The following MACROD2 variants were observed in gnomAD, a reference collection of about 807,000 sequenced individuals.
The protein encoded by MACROD2 is mono-ADP ribosylhydrolase 2.
In MACROD2, 36 loss-of-function variants were observed where a neutral mutation model predicts 70.4. That is an observed-to-expected ratio of 0.51 (90% CI 0.39 to 0.68). The LOEUF (loss-of-function observed/expected upper bound fraction) is 0.68. Ranked by LOEUF, MACROD2 falls within the 30% of genes least tolerant of loss-of-function variation. MACROD2 has a pLI of 0.00. For missense variants in MACROD2, 496 were observed against 538.4 expected (o/e 0.92, Z 0.78); for synonymous variants, 172 against 178.8 (o/e 0.96, Z 0.30).
chr20:14,783,102 G>C (rs1228762668), intron 5 of MACROD2, among the ~76,000 whole-genome samples: 1 of 152,120 alleles, frequency 6.6e-6, no homozygotes, highest in Non-Finnish European at 1.5e-5. Flanking sequence ...AATGTCAAAT[G>C]ATTCAACACT....
intron 8 of MACROD2, among the ~76,000 whole-genome samples, chr20:15,614,045 C>A (rs1248353992): frequency 6.6e-6 from 1 of 152,218 alleles, no homozygotes; most frequent in African/African-American, 2.4e-5. Flanking sequence ...CCCAGACTCA[C>A]AGGTGTAACT....
chr20:15,864,831 C>T (rs991460505), intron 9 of MACROD2, among the ~76,000 whole-genome samples: 1 of 152,068 alleles, frequency 6.6e-6, no homozygotes, highest in African/African-American at 2.4e-5. Context: ...ATAGGAAGTA[C>T]ATTTTAAACT....
chr20:15,677,268 C>G (rs1386257415), intron 8 of MACROD2, among the ~76,000 whole-genome samples: 1 of 152,054 alleles, frequency 6.6e-6, no homozygotes, highest in Non-Finnish European at 1.5e-5. Context: ...GGCTCTCTTT[C>G]CTACTGTTCT....
At chr20:14,423,487 C>T (rs1329280115) in intron 3 of MACROD2, among the ~76,000 whole-genome samples, 1 of 151,610 alleles carries the variant, frequency 6.6e-6, no homozygotes, top group Non-Finnish European at 1.5e-5. Context: ...ATCACGAGGT[C>T]AGGAGATCGA....
chr20:14,746,231 T>A (rs2123728122), intron 5 of MACROD2, among the ~76,000 whole-genome samples: 1 of 152,304 alleles, frequency 6.6e-6, no homozygotes, highest in African/African-American at 2.4e-5. Context: ...AATTTCCCTT[T>A]ACCTCTTGAC....
At chr20:15,253,351 C>T (rs1412444260) in intron 6 of MACROD2, among the ~76,000 whole-genome samples, 1 of 152,140 alleles carries the variant, frequency 6.6e-6, no homozygotes, top group Non-Finnish European at 1.5e-5. Flanking sequence ...TACAAAGTTT[C>T]CTGACCCCTG....
Position 14,757,730 on chromosome 20 carries a change from G to A in MACROD2, c.418+72771G>A, listed in dbSNP as rs898634468. ...GCAGTCTCTCAAGTCCCGAGGCTAC[G>A]TGAAGGCACAGTTTGCCTGGAGACA... On this transcript the variant is annotated intron_variant, in intron 5 of 17. Transcript: ENST00000684519. 20 of 1,526,558 alleles carry A rather than the reference G, an allele frequency of 1.3e-5. No homozygotes were observed. In the African/African-American group the frequency reaches 2.2e-4, roughly 17 times the overall value. 94.6% of individuals were successfully genotyped at this position (1,526,558 alleles called of 1,614,324 possible).
intron 5 of MACROD2, among the ~76,000 whole-genome samples, chr20:14,944,102 G>C (rs1048568857): frequency 2.0e-5 from 3 of 152,032 alleles, no homozygotes; most frequent in Non-Finnish European, 4.4e-5. Flanking sequence ...ACACTTTTGT[G>C]CTATCCCTTT....
intron 6 of MACROD2, among the ~76,000 whole-genome samples, chr20:15,354,770 C>T (rs944751684): frequency 1.3e-4 from 20 of 151,970 alleles, no homozygotes; most frequent in Non-Finnish European, 2.6e-4. Flanking sequence ...TATTATGCAG[C>T]CATTACATGA....
At position 14,544,808 on chromosome 20, in the gene MACROD2, G is replaced by C. The variant is rs566447293; in HGVS notation, c.301+51300G>C. 7.2e-5 allele frequency among the ~76,000 whole-genome samples: 11 copies of C among 152,264 alleles called. No individual in the cohort carries two copies. The South Asian group carries it at 2.1e-3, about 29-fold the overall frequency. ...TTTCCCACTAGAGATAAGGGAGCTG[G>C]AGTATTTATCCGTCAACTCCTGGCA... On this transcript the variant is annotated intron_variant, in intron 4 of 17. Transcript: ENST00000684519.
At chr20:14,091,513 A>G (rs2054149145) in intron 3 of MACROD2, among the ~76,000 whole-genome samples, 1 of 152,322 alleles carries the variant, frequency 6.6e-6, no homozygotes, top group African/African-American at 2.4e-5. Flanking sequence ...ATGATAGATA[A>G]GTGAGGTGAT....
intron 5 of MACROD2, among the ~76,000 whole-genome samples, chr20:14,742,968 G>A (rs1368603180): frequency 4.0e-5 from 6 of 151,548 alleles, no homozygotes; most frequent in Admixed American, 6.6e-5. Flanking sequence ...GGGTTTCACC[G>A]TTTTAGCCGG....
chr20:14,006,447 A>G (rs770002329), intron 2 of MACROD2, among the ~76,000 whole-genome samples: 2 of 152,186 alleles, frequency 1.3e-5, no homozygotes, highest in South Asian at 4.1e-4. Flanking sequence ...GTATCTGTGT[A>G]TATGCATATG....
intron 8 of MACROD2, among the ~76,000 whole-genome samples, chr20:15,843,052 G>A (rs2064191296): frequency 6.6e-6 from 1 of 152,124 alleles, no homozygotes; most frequent in African/African-American, 2.4e-5. Context: ...ACCACTTGGT[G>A]GCACTGAGCT....
intron 3 of MACROD2, among the ~76,000 whole-genome samples, chr20:14,273,191 AT>A (rs1236950315): frequency 6.6e-6 from 1 of 152,164 alleles, no homozygotes; most frequent in African/African-American, 2.4e-5. Flanking sequence ...CAGAATGTAC[AT>A]TTTTTTCAGC....
rs1319260844 is a variant in MACROD2 at position 15,667,515 on chromosome 20, C to G, written c.645+167668C>G. Among the ~76,000 whole-genome samples the G allele has an allele frequency of 2.7e-5, 4 of 149,440 alleles. No homozygotes were observed. In the Admixed American group the frequency reaches 2.7e-4, roughly 10 times the overall value. Reference sequence around the variant, plus strand: ...TCTATCTATGTATCTATCTATCTATCTATCTATCTATGAAAGCAAATTGGA... The same window carrying G: ...TCTATCTATGTATCTATCTATCTATGTATCTATCTATGAAAGCAAATTGGA... On this transcript the variant is annotated intron_variant, in intron 8 of 17. Transcript: ENST00000684519.
intron 3 of MACROD2, among the ~76,000 whole-genome samples, chr20:14,306,240 G>A (rs920857416): frequency 3.3e-5 from 5 of 151,896 alleles, no homozygotes; most frequent in African/African-American, 9.7e-5. Flanking sequence ...CTTCTTTCTT[G>A]GTTTCTGTGA....
At chr20:14,627,881 A>C (rs1428651298) in intron 4 of MACROD2, among the ~76,000 whole-genome samples, 1 of 152,206 alleles carries the variant, frequency 6.6e-6, no homozygotes, top group Non-Finnish European at 1.5e-5. Flanking sequence ...TCCTGACCTT[A>C]AGGACCTGAT....
At chr20:14,650,037 G>T (rs777488853) in intron 4 of MACROD2, among the ~76,000 whole-genome samples, 1 of 152,164 alleles carries the variant, frequency 6.6e-6, no homozygotes, top group Non-Finnish European at 1.5e-5. Flanking sequence ...TATTCAGAAT[G>T]GGAGCAGGAG....
Sources: allele counts gnomAD v4.1 joint callset (sites outside exome capture counted in the v4.1 genomes callset), GRCh38; gene constraint gnomAD v4.1.1; transcripts MANE v1.5; gene names NCBI Gene and HGNC (gene_info 2026-07-23, HGNC 2026-07-21).